The following SLC25A30 variants were observed in gnomAD, a reference collection of about 807,000 sequenced individuals.
The protein encoded by SLC25A30 is solute carrier family 25 member 30.
Under a neutral mutation model 42.7 loss-of-function variants are expected in SLC25A30, and 29 were observed. That is an observed-to-expected ratio of 0.68 (90% CI 0.51 to 0.93). The LOEUF (loss-of-function observed/expected upper bound fraction) is 0.93. Ranked by LOEUF, SLC25A30 falls within the 40% of genes least tolerant of loss-of-function variation. The pLI is 0.00. For missense variants in SLC25A30, 300 were observed against 359.7 expected (o/e 0.83, Z 1.34); for synonymous variants, 124 against 131.0 (o/e 0.95, Z 0.37).
the SLC25A30 span, among the ~76,000 whole-genome samples, chr13:45,429,949 A>C: frequency 6.6e-6 from 1 of 152,128 alleles, no homozygotes; most frequent in Non-Finnish European, 1.5e-5. Flanking sequence ...AAGAAAAAAA[A>C]ATGAAACTGA....
the SLC25A30 span, among the ~76,000 whole-genome samples, chr13:45,424,390 A>AAAAT: frequency 1.4e-5 from 1 of 70,284 alleles, no homozygotes; most frequent in Non-Finnish European, 2.4e-5. Context: ...TAGATATATA[A>AAAAT]ATATATAAAT....
At chr13:45,433,569 A>G in the SLC25A30 span, among the ~76,000 whole-genome samples, 1 of 152,204 alleles carries the variant, frequency 6.6e-6, no homozygotes, top group Non-Finnish European at 1.5e-5. Flanking sequence ...ACAGACTGTC[A>G]TGCTCCATTT....
Position 45,394,290 on chromosome 13 carries a change from T to A in SLC25A30, c.*1684A>T. ...CTGTTATCCTCTCTTTTTGATGACT[T>A]TGTCTTAGCTCTCACTTTTGGAAAT... On this transcript the variant is annotated 3_prime_UTR_variant, in exon 10 of 10. Transcript: ENST00000519676. The A allele has an allele frequency of 1.0e-6, 1 of 955,818 alleles. No homozygotes were observed. The highest frequency in any genetic ancestry group is 4.9e-5 in the South Asian group (1 of 20,458). 59.2% of individuals were successfully genotyped at this position (955,818 alleles called of 1,614,324 possible). A position where few individuals can be genotyped will look rare whatever the true frequency, so the allele number is the denominator to read the frequency against.
In SLC25A30 at chr13:45,395,247, A is replaced by G; in HGVS notation, c.*727T>C. ...AATTACTAACATGACCTAAGACAGAACCTAAGCTGCTTGAAAACACCCCCC... is the reference window on the plus strand; with the variant it reads ...AATTACTAACATGACCTAAGACAGAGCCTAAGCTGCTTGAAAACACCCCCC... On this transcript the variant is annotated 3_prime_UTR_variant, in exon 10 of 10. Coordinates refer to ENST00000519676, the MANE Select transcript of SLC25A30 (RefSeq NM_001010875.4). The G allele has an allele frequency of 1.0e-6, 1 of 985,598 alleles. No individual in the cohort carries two copies. The highest frequency in any genetic ancestry group is 1.2e-6 in the Non-Finnish European group (1 of 830,066). 61.1% of individuals were successfully genotyped at this position (985,598 alleles called of 1,614,324 possible).
the SLC25A30 span, among the ~76,000 whole-genome samples, chr13:45,426,993 T>A: frequency 6.6e-6 from 1 of 151,594 alleles, no homozygotes; most frequent in Admixed American, 6.6e-5. Context: ...ACTCTAAACC[T>A]TCCAGAGTTA....
chr13:45,397,200 A>G, intron 9 of SLC25A30, 58 bp downstream of exon 9: 1 of 1,136,542 alleles, frequency 8.8e-7, no homozygotes, highest in Non-Finnish European at 1.3e-6. Flanking sequence ...GAGAGTTTAT[A>G]CAAATAGTAT....
the SLC25A30 span, among the ~76,000 whole-genome samples, chr13:45,428,774 GCCTC>G: frequency 1.3e-5 from 2 of 151,706 alleles, no homozygotes; most frequent in African/African-American, 4.8e-5. Context: ...GCCCACCTCA[GCCTC>G]CCAAAGTGCA....
Position 45,394,645 on chromosome 13 carries a change from G to A in SLC25A30, c.*1329C>T. On this transcript the variant is annotated 3_prime_UTR_variant, in exon 10 of 10. Coordinates refer to ENST00000519676, the MANE Select transcript of SLC25A30 (RefSeq NM_001010875.4). ...AGACTAAGATGAAGACAAGAAGGAA[G>A]AGGGCTCTTTCTCTGAAGCAGGTTA... 1.0e-6 allele frequency: 1 copy of A among 985,344 alleles called. No homozygotes were observed. Among genetic ancestry groups the A allele is most frequent in the South Asian group, 4.7e-5 (1 of 21,278 alleles). 61.0% of individuals were successfully genotyped at this position (985,344 alleles called of 1,614,324 possible).
chr13:45,424,903 T>A, the SLC25A30 span, among the ~76,000 whole-genome samples: 10 of 30,102 alleles, frequency 3.3e-4, 1 homozygote, highest in African/African-American at 5.5e-4. Flanking sequence ...TAAATATATA[T>A]AAATATATAT....
chr13:45,402,337 C>T lies in SLC25A30; in HGVS notation c.427G>A (p.Gly143Arg), dbSNP rs1403067320. 2 of 1,613,934 alleles carry T rather than the reference C, an allele frequency of 1.2e-6. No individual in the cohort carries two copies. Among genetic ancestry groups the T allele is most frequent in the African/African-American group, 1.3e-5 (1 of 74,918 alleles). The change falls in exon 6 of 10, where the codon GGA becomes AGA. Residue 143 changes from glycine to arginine, a missense_variant. By Grantham distance (125) the Gly-to-Arg change is moderately radical. Transcript: ENST00000519676. ...RMQAQSNTIQ[G>R]GMIGNFMNIY... Reference sequence around the variant, plus strand: ...TTCATGAAGTTGCCTATCATTCCTCCTTGAATGGTGTTGCTTTGCGCTTGC... The same window carrying T: ...TTCATGAAGTTGCCTATCATTCCTCTTTGAATGGTGTTGCTTTGCGCTTGC...
At position 45,395,235 on chromosome 13, in the gene SLC25A30, A is replaced by G. The variant is rs141335772; in HGVS notation, c.*739T>C. 4.0e-4 allele frequency: 397 copies of G among 985,452 alleles called. No homozygotes were observed. The East Asian group carries it at 0.02, about 50-fold the overall frequency. The allele number at this position is 985,452 out of a possible 1,614,324, so 61.0% of individuals were successfully genotyped here. ...AATCATAAAGCTAATTACTAACATG[A>G]CCTAAGACAGAACCTAAGCTGCTTG... is the stretch of plus-strand genomic sequence containing the variant. On this transcript the variant is annotated 3_prime_UTR_variant, in exon 10 of 10. Coordinates refer to ENST00000519676, the MANE Select transcript of SLC25A30 (RefSeq NM_001010875.4).
chr13:45,424,534 T>G, the SLC25A30 span, among the ~76,000 whole-genome samples: 1 of 52,432 alleles, frequency 1.9e-5, no homozygotes, highest in Non-Finnish European at 3.8e-5. Flanking sequence ...AAAATATATA[T>G]AAATATATAA....
At chr13:45,425,597 CAT>C in the SLC25A30 span, among the ~76,000 whole-genome samples, 4,242 of 38,106 alleles carry the variant, frequency 0.11, 857 homozygotes, top group African/African-American at 0.18. Context: ...TATATATATA[CAT>C]ATATATATAC....
Position 45,408,947 on chromosome 13 carries a change from C to T in SLC25A30, c.192G>A (p.Gly64=). 6.2e-7 allele frequency: 1 copy of T among 1,609,900 alleles called. No individual in the cohort carries two copies. The highest frequency in any genetic ancestry group is 2.2e-5 in the East Asian group (1 of 44,790). The part of the protein sequence containing the change: ...HALVRIGREE[G]LKALYSGIAP... ...CTCACCCCGAGTAGAGTGCTTTCAG[C>T]CCTTCTTCTCTGCCTATCCTCACTA... The change falls in exon 3 of 10, where the codon GGG becomes GGA. Residue 64 remains glycine (G), a synonymous_variant. Coordinates refer to ENST00000519676, the MANE Select transcript of SLC25A30 (RefSeq NM_001010875.4).
chr13:45,406,081 T>A, intron 3 of SLC25A30, 104 bp from the exon 4 acceptor site: 1 of 1,003,576 alleles, frequency 1.0e-6, no homozygotes, highest in South Asian at 1.5e-5. Context: ...CTACATTCTC[T>A]AAAACAATTT....
At chr13:45,423,922 T>C in the SLC25A30 span, among the ~76,000 whole-genome samples, 1 of 79,854 alleles carries the variant, frequency 1.3e-5, no homozygotes, top group Non-Finnish European at 2.2e-5. Context: ...TAAAAATATA[T>C]ATAAACATAT....
the SLC25A30 span, among the ~76,000 whole-genome samples, chr13:45,424,524 AAAATATATATAAATATATAAATATAT>A: frequency 7.2e-5 from 2 of 27,746 alleles, 1 homozygote; most frequent in African/African-American, 2.9e-4. Context: ...TAAATATATA[AAAATATATATAAATATATAAATATAT>A]AAATATATAT....
the SLC25A30 span, among the ~76,000 whole-genome samples, chr13:45,425,364 G>T: frequency 1.9e-5 from 2 of 104,426 alleles, no homozygotes; most frequent in Non-Finnish European, 3.5e-5. Flanking sequence ...GTAAGTATAT[G>T]TATAAAAATA....
At chr13:45,417,063 G>C (rs1358712914) in intron 1 of SLC25A30, among the ~76,000 whole-genome samples, 1 of 152,106 alleles carries the variant, frequency 6.6e-6, no homozygotes, top group Non-Finnish European at 1.5e-5. Flanking sequence ...GCCCAGGCTG[G>C]AGTACAATAG....
Sources: allele counts gnomAD v4.1 joint callset (sites outside exome capture counted in the v4.1 genomes callset), GRCh38; gene constraint gnomAD v4.1.1; transcripts MANE v1.5; gene names NCBI Gene and HGNC (gene_info 2026-07-23, HGNC 2026-07-21).